Variants in CLASP1 observed in about 807,000 individuals in gnomAD.
The protein encoded by CLASP1 is cytoplasmic linker associated protein 1.
Under a neutral mutation model 192.3 loss-of-function variants are expected in CLASP1, and 38 were observed. The ratio of observed to expected loss-of-function variants is 0.20; its 90% CI spans 0.15 to 0.26. The LOEUF is 0.26. Ranked by LOEUF, CLASP1 falls within the 10% of genes least tolerant of loss-of-function variation. The pLI is 1.00. For synonymous variants in CLASP1, 691 were observed against 712.8 expected (o/e 0.97, Z 0.49); for missense variants, 1,433 against 1,932.5 (o/e 0.74, Z 4.85).
intron 7 of CLASP1, among the ~76,000 whole-genome samples, chr2:121,506,168 T>G (rs2093943078): frequency 6.6e-6 from 1 of 152,078 alleles, no homozygotes; most frequent in Non-Finnish European, 1.5e-5. Context: ...AAGAAAACAT[T>G]GGCAAAAACC....
chr2:121,444,600 G>A (rs1227568229), intron 19 of CLASP1, among the ~76,000 whole-genome samples: 2 of 152,152 alleles, frequency 1.3e-5, no homozygotes, highest in African/African-American at 4.8e-5. Flanking sequence ...TGCTTCAGGA[G>A]TAATAAAACC....
intron 22 of CLASP1, among the ~76,000 whole-genome samples, chr2:121,424,599 CTAAG>C: frequency 6.6e-6 from 1 of 152,228 alleles, no homozygotes; most frequent in Non-Finnish European, 1.5e-5. Context: ...TACAAAGAAA[CTAAG>C]TAACACAAAA....
intron 2 of CLASP1, among the ~76,000 whole-genome samples, chr2:121,577,168 T>G (rs2060604017): frequency 6.6e-6 from 1 of 152,102 alleles, no homozygotes; most frequent in East Asian, 1.9e-4. Flanking sequence ...TTGTTGAAGC[T>G]GGATGATGAG....
At chr2:121,382,357 G>T in intron 32 of CLASP1, 33 bp from the exon 34 acceptor site, 2 of 1,402,314 alleles carry the variant, frequency 1.4e-6, no homozygotes, top group Non-Finnish European at 1.9e-6. Context: ...ATCAGAGAGA[G>T]AAATACAAAA....
chr2:121,498,770 A>G (rs1325239722), intron 8 of CLASP1, among the ~76,000 whole-genome samples: 1 of 152,194 alleles, frequency 6.6e-6, no homozygotes, highest in Non-Finnish European at 1.5e-5. Flanking sequence ...TTGAATAGAC[A>G]TTTCTCCAAG....
At chr2:121,404,236 A>C in intron 26 of CLASP1, 135 bp downstream of exon 27, 1 of 1,424,128 alleles carries the variant, frequency 7.0e-7, no homozygotes, top group Non-Finnish European at 9.3e-7. Context: ...AACATACACT[A>C]GTGCTGAAAC....
chr2:121,513,453 G>A (rs1199983520), intron 7 of CLASP1, among the ~76,000 whole-genome samples: 2 of 151,682 alleles, frequency 1.3e-5, no homozygotes, highest in Non-Finnish European at 2.9e-5. Flanking sequence ...TTAAAGAGAA[G>A]AAGGAGGGGG....
exon 20 of CLASP1, chr2:121,430,110 C>T: frequency 6.3e-7 from 1 of 1,576,336 alleles, no homozygotes; most frequent in Non-Finnish European, 8.6e-7. Context: ...GACTGCGGCC[C>T]CGGTTATCAG....
At chr2:121,597,582 A>G (rs1318553540) in intron 2 of CLASP1, among the ~76,000 whole-genome samples, 1 of 152,220 alleles carries the variant, frequency 6.6e-6, no homozygotes, top group Non-Finnish European at 1.5e-5. Flanking sequence ...AGGTACATAC[A>G]GACTATAAAT....
At chr2:121,434,618 C>T (rs1443453675) in intron 19 of CLASP1, among the ~76,000 whole-genome samples, 1 of 152,160 alleles carries the variant, frequency 6.6e-6, no homozygotes, top group Middle Eastern at 3.2e-3. Context: ...ATTTATTATT[C>T]TTAACAGTTA....
chr2:121,540,222 G>C (rs1281772020), intron 2 of CLASP1, among the ~76,000 whole-genome samples: 1 of 152,076 alleles, frequency 6.6e-6, no homozygotes, highest in African/African-American at 2.4e-5. Flanking sequence ...TGAAGTTGTG[G>C]GTTTCATACT....
In CLASP1 at chr2:121,413,405, T is replaced by C. The variant is rs7590466; in HGVS notation, c.2321-2436A>G. On this transcript the variant is annotated intron_variant, in intron 23 of 39. Coordinates refer to ENST00000263710, the Ensembl canonical transcript of CLASP1. ...AATTCATAGATTATGCCTTACTCAATTGAGAAAATTGTAGTCATTAGGGAC... is the reference window on the plus strand; with the variant it reads ...AATTCATAGATTATGCCTTACTCAACTGAGAAAATTGTAGTCATTAGGGAC... 4.9e-3 allele frequency among the ~76,000 whole-genome samples: 748 copies of C among 152,340 alleles called. 9 individuals carry two copies. Among genetic ancestry groups the C allele is most frequent in the African/African-American group, 0.017 (725 of 41,576 alleles).
intron 37 of CLASP1, 133 bp downstream of exon 38, chr2:121,363,039 T>C (rs1454884775): frequency 9.0e-7 from 1 of 1,113,360 alleles, no homozygotes; most frequent in Non-Finnish European, 1.3e-6. Flanking sequence ...GACTCCACTC[T>C]GTATTACGAC....
intron 2 of CLASP1, among the ~76,000 whole-genome samples, chr2:121,566,703 C>T (rs1218729265): frequency 6.6e-6 from 1 of 152,184 alleles, no homozygotes; most frequent in Non-Finnish European, 1.5e-5. Flanking sequence ...CTACCAATGC[C>T]AAATGCTCAA....
chr2:121,596,549 C>G (rs937043869), intron 2 of CLASP1, among the ~76,000 whole-genome samples: 1 of 152,204 alleles, frequency 6.6e-6, no homozygotes, highest in Admixed American at 6.5e-5. Flanking sequence ...ACACAGTCTC[C>G]TCCTGCCCAT....
chr2:121,503,450 C>G (rs1304470282), intron 7 of CLASP1, among the ~76,000 whole-genome samples: 1 of 152,226 alleles, frequency 6.6e-6, no homozygotes, highest in Non-Finnish European at 1.5e-5. Context: ...AGAAGTCTAT[C>G]TGAAAGATCT....
At chr2:121,608,956 T>G (rs1415334655) in intron 1 of CLASP1, among the ~76,000 whole-genome samples, 2 of 152,214 alleles carry the variant, frequency 1.3e-5, no homozygotes, top group African/African-American at 4.8e-5. Context: ...TATAATACTA[T>G]CTCTAATTCT....
At chr2:121,472,367 G>A (rs17039715) in intron 8 of CLASP1, among the ~76,000 whole-genome samples, 7,819 of 152,172 alleles carry the variant, frequency 0.051, 678 homozygotes, top group African/African-American at 0.18. Context: ...AAAGAACTAC[G>A]TGCAGGCACC....
chr2:121,382,224 G>T (rs374468779), exon 33 of CLASP1: 4 of 1,608,200 alleles, frequency 2.5e-6, no homozygotes, highest in South Asian at 2.2e-5. Flanking sequence ...GAGTAAGAGC[G>T]CCTGAGAGCC....
Sources: allele counts gnomAD v4.1 joint callset (sites outside exome capture counted in the v4.1 genomes callset), GRCh38; gene constraint gnomAD v4.1.1; transcripts MANE v1.5; gene names NCBI Gene and HGNC (gene_info 2026-07-23, HGNC 2026-07-21).